The following EFCAB8 variants were observed in gnomAD, a reference collection of about 807,000 sequenced individuals.
EFCAB8 encodes EF-hand calcium-binding domain-containing protein 8.
In EFCAB8, 100 loss-of-function variants were observed where a neutral mutation model predicts 116.3. The observed-to-expected ratio is 0.86, with a 90% CI of 0.73 to 1.02. EFCAB8 has a LOEUF of 1.02. Among genes scored for constraint, EFCAB8 ranks in the 50% least tolerant of loss-of-function variants. The pLI is 0.00. For missense variants in EFCAB8, 1,320 were observed against 1,416.9 expected (o/e 0.93, Z 1.10); for synonymous variants, 558 against 567.9 (o/e 0.98, Z 0.25).
intron 20 of EFCAB8, among the ~76,000 whole-genome samples, chr20:32,924,229 A>C (rs1223965658): frequency 1.3e-5 from 2 of 151,954 alleles, no homozygotes; most frequent in Non-Finnish European, 2.9e-5. Context: ...CTGGCTCATT[A>C]AAAAAATATA....
intron 26 of EFCAB8, among the ~76,000 whole-genome samples, chr20:32,960,420 T>A (rs1020127674): frequency 6.6e-6 from 1 of 152,360 alleles, no homozygotes; most frequent in African/African-American, 2.4e-5. Flanking sequence ...GGACAAGGTC[T>A]CCTTGGGCAG....
chr20:32,906,721 T>C, intron 12 of EFCAB8, 92 bp downstream of exon 12: 2 of 721,124 alleles, frequency 2.8e-6, no homozygotes, highest in Non-Finnish European at 2.6e-6. Flanking sequence ...CTGCACAGCA[T>C]CTGGCCTCTG....
chr20:32,917,035 C>T (rs1987219873), intron 17 of EFCAB8: 2 of 437,992 alleles, frequency 4.6e-6, no homozygotes, highest in Non-Finnish European at 8.2e-6. Context: ...TAATCCTTAC[C>T]TAGGTGTCTG....
chr20:32,930,973 C>T (rs1459116804), intron 21 of EFCAB8, among the ~76,000 whole-genome samples: 1 of 152,204 alleles, frequency 6.6e-6, no homozygotes, highest in African/African-American at 2.4e-5. Context: ...GCCGGTCACA[C>T]CCTTCCTGCC....
intron 22 of EFCAB8, among the ~76,000 whole-genome samples, chr20:32,941,167 G>A (rs1440972332): frequency 6.7e-6 from 1 of 149,072 alleles, no homozygotes; most frequent in African/African-American, 2.5e-5. Context: ...CAGGAGAATC[G>A]CTTGAACCTG....
chr20:32,875,973 A>G lies in EFCAB8; in HGVS notation c.256A>G (p.Ser86Gly), dbSNP rs1272031624. Residue 86 changes from serine (S) to glycine (G), a missense_variant, in exon 4 of 27, where the codon AGT (serine) becomes GGT (glycine). Ser to Gly is a moderately conservative substitution (Grantham distance 56). Coordinates refer to ENST00000400522, the MANE Select transcript of EFCAB8 (RefSeq NM_001143967.2). ...FIKAMKKVLS[S>G]VSDEMLKELF... ...CAAGGCCATGAAGAAGGTTCTGAGC[A>G]GTGTGTCGGACGAGATGCTAAAGGA... The G allele has an allele frequency of 6.4e-7, 1 of 1,552,002 alleles. No homozygotes were observed. Among genetic ancestry groups the G allele is most frequent in the Non-Finnish European group, 8.7e-7 (1 of 1,147,086 alleles).
At chr20:32,859,052 A>G (rs8123073) in intron 1 of EFCAB8, 46 bp downstream of exon 1, 17,153 of 470,962 alleles carry the variant, frequency 0.036, 780 homozygotes, top group African/African-American at 0.16. Context: ...AAGATTGGAT[A>G]CCTCTGCTGA....
At chr20:32,930,287 G>A (rs892871113) in intron 20 of EFCAB8, 111 bp from the exon 21 acceptor site, 44 of 855,062 alleles carry the variant, frequency 5.1e-5, no homozygotes, top group Admixed American at 4.3e-4. Flanking sequence ...CTTTCACTGG[G>A]CATCTAGGAA....
intron 20 of EFCAB8, among the ~76,000 whole-genome samples, chr20:32,929,287 G>A (rs113650019): frequency 1.4e-4 from 22 of 152,164 alleles, no homozygotes; most frequent in Middle Eastern, 3.4e-3. Flanking sequence ...ATGTTTGGTA[G>A]AATTCACTGG....
intron 3 of EFCAB8, among the ~76,000 whole-genome samples, chr20:32,873,163 C>A (rs1984772420): frequency 6.6e-6 from 1 of 152,050 alleles, no homozygotes; most frequent in Non-Finnish European, 1.5e-5. Context: ...ACAGTGAAAG[C>A]CAGTGTGTCA....
chr20:32,939,123 T>TTCTC (rs200405358), intron 22 of EFCAB8, among the ~76,000 whole-genome samples: 1 of 112,748 alleles, frequency 8.9e-6, no homozygotes. Flanking sequence ...CTCTCTTTCT[T>TTCTC]TCTCTTTCTT....
rs372028720 is a variant in EFCAB8, at chr20:32,898,597, G to A, written c.1062G>A (p.Leu354=). ...AGTCCTCTCTGGTGCTGACAATATT[G>A]CCAGCCAAAGCCTCTAAGAAACCCA... The part of the protein sequence containing the change: ...IEKSSLVLTI[L]PAKASKKPRL... The change falls in exon 11 of 27, where the codon TTG becomes TTA. Residue 354 remains leucine (L), a synonymous_variant. Transcript: ENST00000400522. The A allele has an allele frequency of 1.0e-3, 727 of 718,658 alleles. 5 individuals carry two copies. The highest frequency in any genetic ancestry group is 4.8e-3 in the South Asian group (324 of 67,578). 44.5% of individuals were successfully genotyped at this position (718,658 alleles called of 1,614,324 possible). A position where few individuals can be genotyped will look rare whatever the true frequency, so the allele number is the denominator to read the frequency against.
intron 20 of EFCAB8, among the ~76,000 whole-genome samples, chr20:32,928,137 A>G (rs900031150): frequency 6.6e-6 from 1 of 152,006 alleles, no homozygotes; most frequent in Non-Finnish European, 1.5e-5. Flanking sequence ...ATTAATTCCC[A>G]AGTATTTTAC....
chr20:32,902,557 G>A (rs1986476773), intron 11 of EFCAB8, among the ~76,000 whole-genome samples: 1 of 151,530 alleles, frequency 6.6e-6, no homozygotes, highest in Non-Finnish European at 1.5e-5. Flanking sequence ...GACCGGCCTG[G>A]GCAATACAGC....
rs769215443 is a variant in EFCAB8, at chr20:32,958,453, C to G, written c.2992C>G (p.Gln998Glu). Residue 998 changes from glutamine (Q) to glutamate (E), a missense_variant, in exon 24 of 27, where the codon CAG (glutamine) becomes GAG (glutamate). Gln to Glu is a conservative substitution (Grantham distance 29). Transcript: ENST00000400522. ...TFGLSVWKRLQDACDGPRENR... is the reference protein window; with the variant it reads ...TFGLSVWKRLEDACDGPRENR... The stretch of plus-strand genomic sequence containing the variant: ...TGGCCTGAGTGTGTGGAAAAGACTA[C>G]AGGATGCCTGTGATGGTCCTCGTGA... 1 of 416,828 alleles carries G rather than the reference C, an allele frequency of 2.4e-6. No individual in the cohort carries two copies. The highest frequency in any genetic ancestry group is 4.4e-6 in the Non-Finnish European group (1 of 226,442). The allele number at this position is 416,828 out of a possible 1,614,324, so 25.8% of individuals were successfully genotyped here. A position where few individuals can be genotyped will look rare whatever the true frequency, so the allele number is the denominator to read the frequency against.
chr20:32,904,809 T>C (rs1056482899), intron 11 of EFCAB8, among the ~76,000 whole-genome samples: 1 of 151,954 alleles, frequency 6.6e-6, no homozygotes, highest in Non-Finnish European at 1.5e-5. Context: ...GTATTTTTAG[T>C]AGAGGCGAGG....
Position 32,943,702 on chromosome 20 carries a change from A to G in EFCAB8, c.2857A>G (p.Asn953Asp), listed in dbSNP as rs1179914814. Residue 953 changes from asparagine (N) to aspartate (D), a missense_variant, in exon 23 of 27, where the codon AAT becomes GAT. Coordinates refer to ENST00000400522, the MANE Select transcript of EFCAB8 (RefSeq NM_001143967.2). ...CCTGATGACCTGGAAAGGCCATTTG[A>G]ATAGTGTGGCAGACATCCTGTATGT... ...TLLMTWKGHLNSVADILYVDN... is the reference protein window; with the variant it reads ...TLLMTWKGHLDSVADILYVDN... 2.4e-6 allele frequency: 1 copy of G among 417,010 alleles called. No homozygotes were observed. Among genetic ancestry groups the G allele is most frequent in the Non-Finnish European group, 4.4e-6 (1 of 226,614 alleles). 25.8% of individuals were successfully genotyped at this position (417,010 alleles called of 1,614,324 possible).
intron 20 of EFCAB8, among the ~76,000 whole-genome samples, chr20:32,920,541 T>C (rs920155344): frequency 3.3e-5 from 5 of 152,112 alleles, no homozygotes; most frequent in African/African-American, 7.2e-5. Context: ...AGGTGCTTCT[T>C]ACATGGCAGC....
In EFCAB8 at chr20:32,947,971, G is replaced by T. The variant is rs1988657066; in HGVS notation, c.2959+4167G>T. On this transcript the variant is annotated intron_variant, in intron 23 of 26. Coordinates refer to ENST00000400522, the MANE Select transcript of EFCAB8 (RefSeq NM_001143967.2). The stretch of plus-strand genomic sequence containing the variant: ...AATTGAGCCCAAAGTAAATAGAAGA[G>T]AAATAATAAAGATTAGAATGGAAAT... 3.3e-5 allele frequency among the ~76,000 whole-genome samples: 5 copies of T among 150,132 alleles called. 1 individual carries two copies. Among genetic ancestry groups the T allele is most frequent in the Admixed American group, 3.3e-4 (5 of 15,102 alleles).
Sources: allele counts gnomAD v4.1 joint callset (sites outside exome capture counted in the v4.1 genomes callset), GRCh38; gene constraint gnomAD v4.1.1; transcripts MANE v1.5; gene names NCBI Gene and HGNC (gene_info 2026-07-23, HGNC 2026-07-21).